Variants in SMAD3 observed in about 807,000 individuals in gnomAD.
The protein encoded by SMAD3 is MAD homolog 3.
In SMAD3, 12 loss-of-function variants were observed where a neutral mutation model predicts 51.8. The observed-to-expected ratio is 0.23, with a 90% CI of 0.15 to 0.38. The LOEUF is 0.38. Ranked by LOEUF, SMAD3 falls within the 10% of genes least tolerant of loss-of-function variation. SMAD3 has a pLI of 1.00. For missense variants in SMAD3, 294 were observed against 565.6 expected (o/e 0.52, Z 4.87); for synonymous variants, 238 against 227.7 (o/e 1.05, Z -0.41).
intron 1 of SMAD3, among the ~76,000 whole-genome samples, chr15:67,102,247 A>AGTGTGTGTGTGTGT (rs56983970): frequency 0.17 from 25,108 of 149,028 alleles, 2,815 homozygotes; most frequent in Non-Finnish European, 0.26. Flanking sequence ...ATGCTGTGAA[A>AGTGTGTGTGTGTGT]GTGTGTGTGT....
At chr15:67,104,861 G>A (rs981675521) in intron 1 of SMAD3, among the ~76,000 whole-genome samples, 5 of 152,246 alleles carry the variant, frequency 3.3e-5, no homozygotes, top group African/African-American at 1.2e-4. Flanking sequence ...TATGTCCTGG[G>A]ATCCAGTTCT....
chr15:67,088,335 G>T (rs1405317605), intron 1 of SMAD3, among the ~76,000 whole-genome samples: 1 of 152,224 alleles, frequency 6.6e-6, no homozygotes, highest in Admixed American at 6.5e-5. Flanking sequence ...GAGGTGAGGT[G>T]GGTGGGCAGG....
chr15:67,135,546 ATTGT>A (rs1203427702), intron 1 of SMAD3, among the ~76,000 whole-genome samples: 5 of 133,324 alleles, frequency 3.8e-5, no homozygotes, highest in African/African-American at 1.3e-4. Context: ...CTTCCACTTA[ATTGT>A]TTTTTTTTAA....
intron 5 of SMAD3, among the ~76,000 whole-genome samples, chr15:67,176,777 G>C (rs1349571008): frequency 2.0e-5 from 3 of 152,232 alleles, no homozygotes; most frequent in Admixed American, 2.0e-4. Context: ...ACACCACACT[G>C]GTGGGGGAGG....
At chr15:67,124,437 T>C (rs547355666) in intron 1 of SMAD3, among the ~76,000 whole-genome samples, 2 of 91,594 alleles carry the variant, frequency 2.2e-5, no homozygotes, top group East Asian at 6.6e-4. Flanking sequence ...GGCTGGAGGA[T>C]TGTCAGTCTT....
chr15:67,101,449 T>C (rs1302653118), intron 1 of SMAD3, among the ~76,000 whole-genome samples: 2 of 152,138 alleles, frequency 1.3e-5, no homozygotes, highest in Non-Finnish European at 2.9e-5. Flanking sequence ...GCCCCCTGAC[T>C]CTCCCACCCT....
In SMAD3 at chr15:67,150,752, C is replaced by G. The variant is rs541527326; in HGVS notation, c.207-14143C>G. Among the ~76,000 whole-genome samples, 3 of 133,724 alleles carry G rather than the reference C, an allele frequency of 2.2e-5. No homozygotes were observed. In the South Asian group the frequency reaches 7.1e-4, roughly 32 times the overall value. 87.7% of individuals were successfully genotyped at this position (133,724 alleles called of 152,430 possible). A position where few individuals can be genotyped will look rare whatever the true frequency, so the allele number is the denominator to read the frequency against. On this transcript the variant is annotated intron_variant, in intron 1 of 8. Transcript: ENST00000327367. ...TAGTGAGGTTTGCCGGCAGATAAGA[C>G]TTGAGAAATTGCAGTTGTCAGGGGA... is the stretch of plus-strand genomic sequence containing the variant.
At chr15:67,093,059 C>T (rs755015615) in intron 1 of SMAD3, among the ~76,000 whole-genome samples, 114 of 152,232 alleles carry the variant, frequency 7.5e-4, no homozygotes, top group Middle Eastern at 3.4e-3. Context: ...GTCTAACTTC[C>T]CTTCCTCACC....
At chr15:67,157,232 A>G (rs924861888) in intron 1 of SMAD3, among the ~76,000 whole-genome samples, 1 of 152,216 alleles carries the variant, frequency 6.6e-6, no homozygotes, top group African/African-American at 2.4e-5. Context: ...AATGTTAACA[A>G]ATTTACTCTT....
chr15:67,136,252 A>G (rs1961657619), intron 1 of SMAD3, among the ~76,000 whole-genome samples: 3 of 152,180 alleles, frequency 2.0e-5, no homozygotes, highest in Admixed American at 2.0e-4. Flanking sequence ...CAGATACATT[A>G]AAGATTGTGC....
chr15:67,177,829 G>A (rs1453604104), intron 5 of SMAD3, among the ~76,000 whole-genome samples: 1 of 152,034 alleles, frequency 6.6e-6, no homozygotes, highest in Non-Finnish European at 1.5e-5. Context: ...CACAAGTTCT[G>A]GGAGGAAGCA....
At chr15:67,169,065 C>G (rs931011567) in intron 4 of SMAD3, among the ~76,000 whole-genome samples, 17 of 152,180 alleles carry the variant, frequency 1.1e-4, no homozygotes, top group Admixed American at 7.9e-4. Context: ...ATGTAGCGGT[C>G]ATGGTGTAAG....
At chr15:67,097,593 G>A (rs911315261) in intron 1 of SMAD3, among the ~76,000 whole-genome samples, 3 of 152,132 alleles carry the variant, frequency 2.0e-5, no homozygotes, top group Non-Finnish European at 4.4e-5. Context: ...GGTTGTTCAA[G>A]CCTCCTGGAG....
At chr15:67,131,032 C>A (rs1258137586) in intron 1 of SMAD3, among the ~76,000 whole-genome samples, 1 of 152,174 alleles carries the variant, frequency 6.6e-6, no homozygotes, top group African/African-American at 2.4e-5. Context: ...GGGGAATCCC[C>A]AAGGATTTGG....
chr15:67,122,096 T>C (rs138370360), intron 1 of SMAD3, among the ~76,000 whole-genome samples: 10 of 152,338 alleles, frequency 6.6e-5, no homozygotes, highest in East Asian at 5.8e-4. Context: ...AAAAATTCTA[T>C]TGGGTAGCAC....
In SMAD3 at chr15:67,097,034, G is replaced by T. The variant is rs529665151; in HGVS notation, c.206+30674G>T. On this transcript the variant is annotated intron_variant, in intron 1 of 8. Coordinates refer to ENST00000327367, the MANE Select transcript of SMAD3 (RefSeq NM_005902.4). The stretch of plus-strand genomic sequence containing the variant: ...TGATCCAGCAGTAAGCTGAGAGAGA[G>T]GCCCTAGTTTGACTCTTAACTCAGG... Among the ~76,000 whole-genome samples the T allele has an allele frequency of 2.1e-4, 32 of 152,260 alleles. No individual in the cohort carries two copies. The South Asian group carries it at 6.4e-3, about 31-fold the overall frequency.
chr15:67,189,247 C>T (rs1277372254), intron 8 of SMAD3, among the ~76,000 whole-genome samples: 2 of 152,170 alleles, frequency 1.3e-5, no homozygotes, highest in Admixed American at 1.3e-4. Flanking sequence ...TGGAGGGCCA[C>T]ACTCAGGTAC....
chr15:67,137,497 G>A (rs1046189016), intron 1 of SMAD3, among the ~76,000 whole-genome samples: 3 of 152,022 alleles, frequency 2.0e-5, no homozygotes, highest in African/African-American at 7.3e-5. Context: ...CATTGTCCTG[G>A]GTAAAATTTT....
At chr15:67,171,387 G>A (rs888954996) in intron 5 of SMAD3, among the ~76,000 whole-genome samples, 9 of 152,190 alleles carry the variant, frequency 5.9e-5, no homozygotes, top group African/African-American at 2.2e-4. Context: ...GGGTCCTTCA[G>A]TTCTCCAGCT....
Sources: gnomAD v4.1 joint callset for allele counts (sites outside exome capture counted in the v4.1 genomes callset) on GRCh38, gnomAD v4.1.1 for gene constraint, MANE v1.5 for transcripts, NCBI Gene and HGNC (gene_info 2026-07-23, HGNC 2026-07-21) for gene names.